The following SYNPO variants were observed in gnomAD, a reference collection of about 807,000 sequenced individuals.
SYNPO encodes the protein synaptopodin.
A neutral mutation model predicts 49.5 loss-of-function variants in SYNPO; 19 were observed. That is an observed-to-expected ratio of 0.38 (90% confidence interval 0.27 to 0.56). The LOEUF (loss-of-function observed/expected upper bound fraction) is 0.56, where lower values mean the gene tolerates loss of function less well. Ranked by LOEUF, SYNPO falls within the 20% of genes least tolerant of loss-of-function variation. The pLI, the probability that SYNPO is intolerant of heterozygous loss-of-function variation, is 0.68. For missense variants in SYNPO, 1,131 were observed against 1,248.3 expected, an observed-to-expected ratio of 0.91 and a Z score of 1.42; for synonymous variants, 536 against 548.0, an observed-to-expected ratio of 0.98 and a Z score of 0.31.
At chr5:150,634,631 C>T (rs1000529957) in intron 2 of SYNPO, among the ~76,000 whole-genome samples, 1 of 152,032 alleles carries the variant, frequency 6.6e-6, no homozygotes, top group Non-Finnish European at 1.5e-5. Flanking sequence ...CCAGCCTGGG[C>T]AACAAAGTGA....
chr5:150,640,259 C>A, upstream of SYNPO: 2 of 779,280 alleles, frequency 2.6e-6, no homozygotes, highest in Non-Finnish European at 3.1e-6. Flanking sequence ...CTAGGTAGGC[C>A]GGAAATCTGA....
At chr5:150,595,491 T>G in the SYNPO span, among the ~76,000 whole-genome samples, 1 of 152,190 alleles carries the variant, frequency 6.6e-6, no homozygotes, top group Non-Finnish European at 1.5e-5. Flanking sequence ...AGTTTCGGCA[T>G]AGGCCACTCT....
intron 2 of SYNPO, chr5:150,650,960 C>T (rs1008752253): frequency 5.7e-5 from 71 of 1,253,526 alleles, no homozygotes; most frequent in Non-Finnish European, 6.8e-5. Context: ...CTGCTGGCTG[C>T]GGACTCGGCC....
At chr5:150,590,653 A>G in the SYNPO span, among the ~76,000 whole-genome samples, 1 of 152,204 alleles carries the variant, frequency 6.6e-6, no homozygotes, top group Non-Finnish European at 1.5e-5. Context: ...CAAGTTACTT[A>G]ACACAACCAA....
intron 1 of SYNPO, among the ~76,000 whole-genome samples, chr5:150,604,857 G>A (rs1161683445): frequency 6.6e-6 from 1 of 152,158 alleles, no homozygotes; most frequent in African/African-American, 2.4e-5. Context: ...TTACAGAGGG[G>A]AGAATGCGGA....
At chr5:150,628,211 C>A (rs1757426991) in intron 2 of SYNPO, among the ~76,000 whole-genome samples, 1 of 152,148 alleles carries the variant, frequency 6.6e-6, no homozygotes, top group Admixed American at 6.6e-5. Context: ...TGAAATCTAC[C>A]AACTGGCTGC....
At chr5:150,652,132 G>T (rs149958748) in intron 2 of SYNPO, 1 of 1,002,058 alleles carries the variant, frequency 1.0e-6, no homozygotes, top group African/African-American at 1.7e-5. Flanking sequence ...GGGGGTATGC[G>T]TGGGGGAGTT....
chr5:150,607,229 G>C (rs1167404365), intron 1 of SYNPO, among the ~76,000 whole-genome samples: 1 of 152,024 alleles, frequency 6.6e-6, no homozygotes, highest in Non-Finnish European at 1.5e-5. Context: ...TGACGTCTTT[G>C]TGGGCCATAA....
chr5:150,615,143 G>A (rs1300599948), intron 1 of SYNPO: 6 of 152,160 alleles, frequency 3.9e-5, no homozygotes, highest in Admixed American at 3.9e-4. Context: ...GGTGCTGTGG[G>A]GCTCAGGCTT....
upstream of SYNPO, among the ~76,000 whole-genome samples, chr5:150,598,133 G>A (rs190564827): frequency 3.0e-4 from 46 of 152,170 alleles, no homozygotes; most frequent in African/African-American, 1.0e-3. Context: ...GCCAGACCGA[G>A]GAAGCAGTGT....
At chr5:150,632,817 G>C (rs747706584) in intron 2 of SYNPO, among the ~76,000 whole-genome samples, 1 of 152,132 alleles carries the variant, frequency 6.6e-6, no homozygotes, top group Non-Finnish European at 1.5e-5. Flanking sequence ...ACATACTAGT[G>C]CATTATTTAT....
intron 1 of SYNPO, among the ~76,000 whole-genome samples, chr5:150,647,348 G>GGTGAAT (rs923268254): frequency 6.6e-6 from 1 of 152,148 alleles, no homozygotes; most frequent in African/African-American, 2.4e-5. Flanking sequence ...ATTTCAACTT[G>GGTGAAT]GTGAATGCTA....
intron 2 of SYNPO, among the ~76,000 whole-genome samples, chr5:150,623,885 A>G (rs771151531): frequency 6.6e-6 from 1 of 152,240 alleles, no homozygotes; most frequent in Non-Finnish European, 1.5e-5. Context: ...CATTTCTCCA[A>G]CCGTGGTTCT....
chr5:150,619,246 C>T (rs893380384), intron 2 of SYNPO, among the ~76,000 whole-genome samples: 9 of 152,004 alleles, frequency 5.9e-5, no homozygotes, highest in Non-Finnish European at 5.9e-5. Context: ...GAGACTGAAG[C>T]CTTTGATAGA....
upstream of SYNPO, among the ~76,000 whole-genome samples, chr5:150,597,652 T>C (rs893637796): frequency 6.6e-6 from 1 of 151,406 alleles, no homozygotes; most frequent in African/African-American, 2.4e-5. Flanking sequence ...CTGGTTTTTG[T>C]TTTTGAGACA....
chr5:150,590,174 T>A, the SYNPO span, among the ~76,000 whole-genome samples: 3 of 152,370 alleles, frequency 2.0e-5, no homozygotes, highest in East Asian at 5.8e-4. Flanking sequence ...CTCTTTGATG[T>A]CTGAGCTGGA....
At chr5:150,624,522 CAG>C (rs530163655) in intron 2 of SYNPO, among the ~76,000 whole-genome samples, 49 of 151,842 alleles carry the variant, frequency 3.2e-4, no homozygotes, top group African/African-American at 1.2e-3. Context: ...AACCAGGCAG[CAG>C]AGAGTGAGGC....
Position 150,640,694 on chromosome 5 carries a change from A to G in SYNPO, c.-493A>G, listed in dbSNP as rs1340163597. On this transcript the variant is annotated 5_prime_UTR_variant, in exon 1 of 3. Transcript: ENST00000307662. ...CTGGGCTGAGTCATCTGTGGAGGAG[A>G]AAAGTCACATCCAGCTCCTTCATGT... 1 of 985,414 alleles carries G rather than the reference A, an allele frequency of 1.0e-6. No individual in the cohort carries two copies. 61.0% of individuals were successfully genotyped at this position (985,414 alleles called of 1,614,324 possible).
chr5:150,636,314 A>G (rs1435088079), upstream of SYNPO, among the ~76,000 whole-genome samples: 1 of 152,224 alleles, frequency 6.6e-6, no homozygotes, highest in Admixed American at 6.5e-5. Flanking sequence ...CACATTTGAA[A>G]TGTATATAAC....
Sources: allele counts gnomAD v4.1 joint callset (sites outside exome capture counted in the v4.1 genomes callset), GRCh38; gene constraint gnomAD v4.1.1; transcripts MANE v1.5; gene names NCBI Gene and HGNC (gene_info 2026-07-23, HGNC 2026-07-21).